SPOCK2: variants seen among roughly 807,000 people sequenced by gnomAD.
The protein encoded by SPOCK2 is SPARC (osteonectin), cwcv and kazal like domains proteoglycan 2, also known as testican-2.
In SPOCK2, 39 loss-of-function variants were observed where a neutral mutation model predicts 60.1. That is an observed-to-expected ratio of 0.65 (90% confidence interval 0.50 to 0.85). The LOEUF (loss-of-function observed/expected upper bound fraction) is 0.85. Among genes scored for constraint, SPOCK2 ranks in the 40% least tolerant of loss-of-function variants. SPOCK2 has a pLI of 0.00. For synonymous variants in SPOCK2, 217 were observed against 231.5 expected, an observed-to-expected ratio of 0.94 and a Z score of 0.57; for missense variants, 523 against 567.4, an observed-to-expected ratio of 0.92 and a Z score of 0.80.
intron 1 of SPOCK2, among the ~76,000 whole-genome samples, chr10:72,075,658 C>T (rs572281832): frequency 6.6e-6 from 1 of 152,224 alleles, no homozygotes; most frequent in Non-Finnish European, 1.5e-5. Flanking sequence ...CACCATCCCC[C>T]ACTCCCTTCC....
At chr10:72,072,961 A>C (rs1206897973) in intron 1 of SPOCK2, 51 bp from the exon 2 acceptor site, 1 of 1,552,044 alleles carries the variant, frequency 6.4e-7, no homozygotes, top group Non-Finnish European at 8.7e-7. Context: ...CAGGAAGAGA[A>C]AGGGAGAAAG....
At chr10:72,080,623 G>GA (rs1218695521) in intron 1 of SPOCK2, among the ~76,000 whole-genome samples, 1 of 151,918 alleles carries the variant, frequency 6.6e-6, no homozygotes, top group Non-Finnish European at 1.5e-5. Flanking sequence ...TGGCTGGGAA[G>GA]TGGGGGGCAG....
At chr10:72,082,340 C>T (rs1369012938) in intron 1 of SPOCK2, among the ~76,000 whole-genome samples, 1 of 152,190 alleles carries the variant, frequency 6.6e-6, no homozygotes, top group Non-Finnish European at 1.5e-5. Context: ...TAGGCCTGGG[C>T]ATACATTTTT....
At chr10:72,068,028 T>C (rs1005858171) in intron 6 of SPOCK2, among the ~76,000 whole-genome samples, 159 bp downstream of exon 6, 3 of 152,224 alleles carry the variant, frequency 2.0e-5, no homozygotes, top group Non-Finnish European at 4.4e-5. Context: ...TCCTGCTCTG[T>C]GTTAATCTGG....
At position 72,072,539 on chromosome 10, in the gene SPOCK2, T is replaced by C. The variant is rs773137620; in HGVS notation, c.208A>G (p.Ile70Val). Residue 70 changes from isoleucine (I) to valine (V), a missense_variant, in exon 3 of 11, where the codon ATC (isoleucine) becomes GTC (valine). Ile to Val is a conservative substitution (Grantham distance 29). Coordinates refer to ENST00000373109, the MANE Select transcript of SPOCK2 (RefSeq NM_001244950.2). The part of the protein sequence containing the change: ...RFRDEVEDDY[I>V]KSWEDNQQGD... ...TGCTGATTGTCCTCCCAGCTCTTGA[T>C]ATAGTCATCCTAGAGGACAGAGAGG... 2 of 1,613,900 alleles carry C rather than the reference T, an allele frequency of 1.2e-6. No individual in the cohort carries two copies. The highest frequency in any genetic ancestry group is 1.1e-5 in the South Asian group (1 of 91,082).
At position 72,066,942 on chromosome 10, in the gene SPOCK2, C is replaced by T. The variant is rs202087607; in HGVS notation, c.888G>A (p.Arg296=). Residue 296 remains arginine, a synonymous_variant, in exon 8 of 11, where the codon CGG becomes CGA. Coordinates refer to ENST00000373109, the MANE Select transcript of SPOCK2 (RefSeq NM_001244950.2). ...FNSCDTYKDG[R]VSTAEWCFCF... is the part of the protein sequence containing the mutation. The stretch of plus-strand genomic sequence containing the variant: ...AGAAGCACCACTCAGCAGTAGAGAC[C>T]CGGCCATCCTTGTAGGTGTCACAGG... The T allele has an allele frequency of 8.1e-6, 13 of 1,614,162 alleles. 1 individual carries two copies. The Admixed American group carries it at 1.7e-4, about 21-fold the overall frequency.
intron 2 of SPOCK2, 81 bp from the exon 3 acceptor site, chr10:72,072,629 G>C (rs1244268966): frequency 4.4e-6 from 7 of 1,586,994 alleles, no homozygotes; most frequent in Non-Finnish European, 6.0e-6. Context: ...TCGAGGAGAG[G>C]CCTGGGCCAG....
rs978454177 is a variant in SPOCK2 at position 72,061,485 on chromosome 10, A to C, written c.*1275T>G. ...GCTCTCCCCTGGCAGGAGGAAGATCATGGTCTCAGAGTGCGGAAAGGCTGC... is the reference window on the plus strand; with the variant it reads ...GCTCTCCCCTGGCAGGAGGAAGATCCTGGTCTCAGAGTGCGGAAAGGCTGC... On this transcript the variant is annotated 3_prime_UTR_variant, in exon 11 of 11. Coordinates refer to ENST00000373109, the MANE Select transcript of SPOCK2 (RefSeq NM_001244950.2). The C allele has an allele frequency of 6.5e-6, 1 of 152,900 alleles. No homozygotes were observed. The highest frequency in any genetic ancestry group is 1.9e-4 in the East Asian group (1 of 5,202). The allele number at this position is 152,900 out of a possible 1,614,324, so 9.5% of individuals were successfully genotyped here.
chr10:72,078,367 C>T (rs1488600854), intron 1 of SPOCK2, among the ~76,000 whole-genome samples: 2 of 151,796 alleles, frequency 1.3e-5, no homozygotes, highest in South Asian at 2.1e-4. Context: ...CAAAAATAGC[C>T]GTGTGTGATG....
intron 1 of SPOCK2, among the ~76,000 whole-genome samples, chr10:72,082,853 C>CA (rs770751183): frequency 0.35 from 16,071 of 45,874 alleles, 3,048 homozygotes; most frequent in Non-Finnish European, 0.43. Context: ...GACCCTGTCT[C>CA]AAAAAAAAAA....
chr10:72,075,151 A>C (rs1291730562), intron 1 of SPOCK2, among the ~76,000 whole-genome samples: 2 of 151,970 alleles, frequency 1.3e-5, no homozygotes, highest in African/African-American at 4.8e-5. Context: ...CTGGGGGTCC[A>C]CCCCACAGGA....
At chr10:72,088,079 C>T in intron 1 of SPOCK2, 61 bp downstream of exon 1, 3 of 1,586,612 alleles carry the variant, frequency 1.9e-6, no homozygotes, top group African/African-American at 1.3e-5. Context: ...CCGCAGACCC[C>T]GGAGCTCAAT....
In SPOCK2 at chr10:72,088,501, T is replaced by C. The variant is rs767596887; in HGVS notation, c.-173A>G. ...GCTGAAATGTGACCTGGTTAGGAGA[T>C]GCACTTGTCTGAAAAAGCCCAGCAC... On this transcript the variant is annotated 5_prime_UTR_variant, in exon 1 of 11. Coordinates refer to ENST00000373109, the MANE Select transcript of SPOCK2 (RefSeq NM_001244950.2). The C allele has an allele frequency of 9.1e-5, 64 of 704,052 alleles. No individual in the cohort carries two copies. Among genetic ancestry groups the C allele is most frequent in the Non-Finnish European group, 1.4e-4 (61 of 443,648 alleles). 43.6% of individuals were successfully genotyped at this position (704,052 alleles called of 1,614,324 possible). A position where few individuals can be genotyped will look rare whatever the true frequency, so the allele number is the denominator to read the frequency against.
chr10:72,066,873 C>A (rs763817423), intron 8 of SPOCK2, 29 bp downstream of exon 8: 5 of 1,612,928 alleles, frequency 3.1e-6, no homozygotes, highest in African/African-American at 1.3e-5. Context: ...ACGGGTGAGG[C>A]AGGGGCCTGG....
chr10:72,064,545 CA>C (rs1202041082), intron 8 of SPOCK2, among the ~76,000 whole-genome samples: 4 of 151,966 alleles, frequency 2.6e-5, no homozygotes, highest in African/African-American at 9.7e-5. Flanking sequence ...CACAGACACC[CA>C]AGTATGAGAG....
intron 8 of SPOCK2, among the ~76,000 whole-genome samples, chr10:72,064,643 A>G (rs1007087029): frequency 6.6e-6 from 1 of 152,236 alleles, no homozygotes; most frequent in Non-Finnish European, 1.5e-5. Context: ...ACAACACTTC[A>G]GTCAACAATG....
chr10:72,071,966 A>G (rs1435618958), intron 4 of SPOCK2, among the ~76,000 whole-genome samples, 178 bp downstream of exon 4: 1 of 152,228 alleles, frequency 6.6e-6, no homozygotes, highest in Non-Finnish European at 1.5e-5. Context: ...TAAGAGAACC[A>G]CTTCTGGATT....
chr10:72,086,751 T>C (rs1360615045), intron 1 of SPOCK2: 1 of 1,430,460 alleles, frequency 7.0e-7, no homozygotes. Flanking sequence ...CTGCCCGTGG[T>C]TCCTGCTGTC....
Position 72,062,433 on chromosome 10 carries a change from A to G in SPOCK2, c.*327T>C. On this transcript the variant is annotated 3_prime_UTR_variant, in exon 11 of 11. Coordinates refer to ENST00000373109, the MANE Select transcript of SPOCK2 (RefSeq NM_001244950.2). The surrounding 1 kb of genome is among the most constrained non-coding windows in gnomAD (Gnocchi z 4.3). ...TTGTGTGTGAATGTATTTTAAAACC[A>G]ACAACAAAAGGAAAGAAAACAGCTA... 8.4e-6 allele frequency: 3 copies of G among 358,258 alleles called. No homozygotes were observed. Among genetic ancestry groups the G allele is most frequent in the Non-Finnish European group, 1.5e-5 (3 of 200,100 alleles). The allele number at this position is 358,258 out of a possible 1,614,324, so 22.2% of individuals were successfully genotyped here. A position where few individuals can be genotyped will look rare whatever the true frequency, so the allele number is the denominator to read the frequency against.
Sources: allele counts gnomAD v4.1 joint callset (sites outside exome capture counted in the v4.1 genomes callset), GRCh38; gene constraint gnomAD v4.1.1; non-coding constraint Gnocchi (gnomAD v3.1); transcripts MANE v1.5; gene names NCBI Gene and HGNC (gene_info 2026-07-23, HGNC 2026-07-21).